The following SSBP3 variants were observed in gnomAD, a reference collection of about 807,000 sequenced individuals.
The protein encoded by SSBP3 is single-stranded DNA-binding protein 3.
SSBP3 carries 5 observed loss-of-function variants against 69.6 expected under a neutral mutation model. The observed-to-expected ratio is 0.07, with a 90% CI of 0.04 to 0.15. The LOEUF (loss-of-function observed/expected upper bound fraction) is 0.15, where lower values mean the gene tolerates loss of function less well. Among genes scored for constraint, SSBP3 ranks in the 10% least tolerant of loss-of-function variants. The pLI, the probability that SSBP3 is intolerant of heterozygous loss-of-function variation, is 1.00. For missense variants in SSBP3, 312 were observed against 534.0 expected (o/e 0.58, Z 4.10); for synonymous variants, 196 against 193.4 (o/e 1.01, Z -0.11).
At chr1:54,380,520 G>T (rs934870599) in intron 4 of SSBP3, among the ~76,000 whole-genome samples, 1 of 152,234 alleles carries the variant, frequency 6.6e-6, no homozygotes, top group Non-Finnish European at 1.5e-5. Context: ...AACGGGAGGG[G>T]GAAAGAAGCC....
At chr1:54,341,482 T>C (rs576685190) in intron 4 of SSBP3, among the ~76,000 whole-genome samples, 1 of 152,186 alleles carries the variant, frequency 6.6e-6, no homozygotes, top group East Asian at 1.9e-4. Flanking sequence ...CCAAAGAGAA[T>C]AGATGCCGAC....
chr1:54,401,398 A>C (rs1649284231), intron 4 of SSBP3, among the ~76,000 whole-genome samples: 1 of 152,058 alleles, frequency 6.6e-6, no homozygotes, highest in East Asian at 1.9e-4. Context: ...ACACACACAC[A>C]CACACCCATA....
At chr1:54,392,844 A>C (rs540429910) in intron 4 of SSBP3, among the ~76,000 whole-genome samples, 5 of 152,196 alleles carry the variant, frequency 3.3e-5, no homozygotes, top group Non-Finnish European at 7.3e-5. Context: ...CCTTAACTGA[A>C]ATAACTCTCC....
intron 4 of SSBP3, among the ~76,000 whole-genome samples, chr1:54,378,480 G>A (rs76618808): frequency 2.1e-4 from 32 of 152,330 alleles, no homozygotes; most frequent in Non-Finnish European, 4.3e-4. Context: ...CAGGGAAAGG[G>A]GTGTAAGGCC....
intron 3 of SSBP3, among the ~76,000 whole-genome samples, chr1:54,402,665 G>C (rs535385503): frequency 9.2e-5 from 14 of 152,202 alleles, no homozygotes; most frequent in Admixed American, 3.9e-4. Context: ...GCAGTAGAGG[G>C]CCCTCTTCAC....
chr1:54,347,360 G>C (rs1646706152), intron 4 of SSBP3, among the ~76,000 whole-genome samples: 1 of 142,634 alleles, frequency 7.0e-6, no homozygotes, highest in Non-Finnish European at 1.5e-5. Flanking sequence ...TTTTTAATTT[G>C]TCCCCTTTTT....
upstream of SSBP3, among the ~76,000 whole-genome samples, chr1:54,407,434 T>C (rs1268932291): frequency 6.6e-6 from 1 of 150,392 alleles, no homozygotes; most frequent in Non-Finnish European, 1.5e-5. Flanking sequence ...GACCCAGGTG[T>C]ACAATGGGAA....
At chr1:54,269,070 C>A (rs2100808218) in intron 5 of SSBP3, among the ~76,000 whole-genome samples, 1 of 152,312 alleles carries the variant, frequency 6.6e-6, no homozygotes, top group Non-Finnish European at 1.5e-5. Flanking sequence ...GGCTCGGAAT[C>A]TGCCCCGCCT....
At chr1:54,379,048 G>A (rs942818499) in intron 4 of SSBP3, among the ~76,000 whole-genome samples, 4 of 152,096 alleles carry the variant, frequency 2.6e-5, no homozygotes, top group African/African-American at 9.7e-5. Context: ...CAACCCACTT[G>A]TTCATAGTCA....
At chr1:54,252,145 C>T (rs1364643769) in intron 7 of SSBP3, among the ~76,000 whole-genome samples, 2 of 152,206 alleles carry the variant, frequency 1.3e-5, no homozygotes, top group Non-Finnish European at 2.9e-5. Flanking sequence ...CCTATCAGAG[C>T]TCTGAAGTGA....
At chr1:54,264,305 C>A (rs949943278) in intron 5 of SSBP3, among the ~76,000 whole-genome samples, 2 of 152,090 alleles carry the variant, frequency 1.3e-5, no homozygotes, top group African/African-American at 4.8e-5. Flanking sequence ...CCTAAAAAAA[C>A]GAAACAAAAC....
At chr1:54,290,437 C>A (rs1263759428) in intron 4 of SSBP3, among the ~76,000 whole-genome samples, 6 of 152,234 alleles carry the variant, frequency 3.9e-5, no homozygotes, top group African/African-American at 1.4e-4. Flanking sequence ...CTGACCACAG[C>A]AGGCTGGGGA....
chr1:54,242,242 T>C (rs771810538), intron 10 of SSBP3, 30 bp from the exon 11 acceptor site: 20 of 1,612,722 alleles, frequency 1.2e-5, no homozygotes, highest in Non-Finnish European at 1.4e-5. Flanking sequence ...ATGTGGACAA[T>C]GAAAAAGGCG....
chr1:54,316,713 AT>A (rs1557525734), intron 4 of SSBP3, among the ~76,000 whole-genome samples: 7 of 148,526 alleles, frequency 4.7e-5, no homozygotes, highest in African/African-American at 1.7e-4. Context: ...AATAAATAAA[AT>A]AAAATAAAAT....
At chr1:54,263,613 G>A (rs559649622) in intron 5 of SSBP3, among the ~76,000 whole-genome samples, 1 of 152,354 alleles carries the variant, frequency 6.6e-6, no homozygotes, top group Non-Finnish European at 1.5e-5. Context: ...ATCTCACCAG[G>A]TCTGCTGAAG....
intron 14 of SSBP3, among the ~76,000 whole-genome samples, chr1:54,229,376 AG>A (rs1473098720): frequency 1.3e-5 from 2 of 152,242 alleles, no homozygotes; most frequent in Non-Finnish European, 2.9e-5. Flanking sequence ...AGTTAACAAA[AG>A]GAAGAAATTA....
chr1:54,281,894 C>T (rs1645399633), intron 4 of SSBP3, among the ~76,000 whole-genome samples: 5 of 151,810 alleles, frequency 3.3e-5, no homozygotes, highest in Admixed American at 2.0e-4. Flanking sequence ...CCCAGGAGTT[C>T]GAGACCGGCG....
At chr1:54,282,071 T>TAATAATAATAATAATAATAAAAAA (rs984653416) in intron 4 of SSBP3, among the ~76,000 whole-genome samples, 1 of 150,602 alleles carries the variant, frequency 6.6e-6, no homozygotes, top group Non-Finnish European at 1.5e-5. Flanking sequence ...ATAATAATAA[T>TAATAATAATAATAATAATAAAAAA]AAAAAAATGG....
At chr1:54,310,224 C>G (rs925767837) in intron 4 of SSBP3, among the ~76,000 whole-genome samples, 1 of 149,858 alleles carries the variant, frequency 6.7e-6, no homozygotes, top group African/African-American at 2.5e-5. Context: ...CAGCCAACCT[C>G]AACACCCTCT....
Sources: allele counts gnomAD v4.1 joint callset (sites outside exome capture counted in the v4.1 genomes callset), GRCh38; gene constraint gnomAD v4.1.1; transcripts MANE v1.5; gene names NCBI Gene and HGNC (gene_info 2026-07-23, HGNC 2026-07-21).